Variants in SYT13 observed in about 807,000 individuals in gnomAD.
SYT13 encodes the protein synaptotagmin-13.
Under a neutral mutation model 38.6 loss-of-function variants are expected in SYT13, and 21 were observed. The observed-to-expected ratio is 0.54, with a 90% confidence interval of 0.39 to 0.78. The LOEUF is 0.78. Among genes scored for constraint, SYT13 ranks in the 30% least tolerant of loss-of-function variants. The pLI, the probability that SYT13 is intolerant of heterozygous loss-of-function variation, is 0.00. For missense variants in SYT13, 495 were observed against 548.7 expected, an observed-to-expected ratio of 0.90 and a Z score of 0.98; for synonymous variants, 241 against 237.6, an observed-to-expected ratio of 1.01 and a Z score of -0.13.
At chr11:45,267,194 C>G (rs373324235) in intron 1 of SYT13, among the ~76,000 whole-genome samples, 293 of 152,274 alleles carry the variant, frequency 1.9e-3, no homozygotes, top group African/African-American at 6.7e-3. Context: ...GCATTCAGAC[C>G]CAGGCTGACT....
chr11:45,243,719 A>C lies in SYT13; in HGVS notation c.*333T>G. ...TGAAATGCTTGTTTTTCAAAAAGCC[A>C]AATTCTTCTTTGCATCCATGATTCC... On this transcript the variant is annotated 3_prime_UTR_variant, in exon 6 of 6. Coordinates refer to ENST00000020926, the MANE Select transcript of SYT13 (RefSeq NM_020826.3). 1 of 234,820 alleles carries C rather than the reference A, an allele frequency of 4.3e-6. No homozygotes were observed. Among genetic ancestry groups the C allele is most frequent in the Non-Finnish European group, 8.2e-6 (1 of 122,420 alleles). The allele number at this position is 234,820 out of a possible 1,614,324, so 14.5% of individuals were successfully genotyped here.
intron 4 of SYT13, among the ~76,000 whole-genome samples, chr11:45,249,515 T>C (rs548430776): frequency 6.6e-6 from 1 of 152,322 alleles, no homozygotes; most frequent in African/African-American, 2.4e-5. Flanking sequence ...CCATCAATGA[T>C]AGACTGAATA....
chr11:45,264,245 C>T (rs1339771393), intron 1 of SYT13, among the ~76,000 whole-genome samples: 1 of 152,160 alleles, frequency 6.6e-6, no homozygotes. Context: ...ATGATGAGAC[C>T]TCTCAGTGTC....
At chr11:45,277,434 C>A (rs1013660190) in intron 1 of SYT13, among the ~76,000 whole-genome samples, 1 of 152,214 alleles carries the variant, frequency 6.6e-6, no homozygotes, top group Non-Finnish European at 1.5e-5. Flanking sequence ...CTTATCAGTA[C>A]GTAGCTCAAT....
Position 45,252,917 on chromosome 11 carries a change from C to T in SYT13, c.545-195G>A, listed in dbSNP as rs929393739. On this transcript the variant is annotated intron_variant, in intron 3 of 5. Transcript: ENST00000020926. The surrounding 1 kb of genome is among the most constrained non-coding windows in gnomAD (Gnocchi z 4.3). Reference sequence around the variant, plus strand: ...AAATAGATCATTTGAGGGGGCTGGCCTCAGCACATGCCGATTCTCTTTCTT... The same window carrying T: ...AAATAGATCATTTGAGGGGGCTGGCTTCAGCACATGCCGATTCTCTTTCTT... Among the ~76,000 whole-genome samples, 1 of 152,172 alleles carries T rather than the reference C, an allele frequency of 6.6e-6. No individual in the cohort carries two copies. Among genetic ancestry groups the T allele is most frequent in the Non-Finnish European group, 1.5e-5 (1 of 68,024 alleles).
chr11:45,244,417 T>C (rs1305999119), intron 5 of SYT13, 61 bp from the exon 6 acceptor site: 1 of 1,553,744 alleles, frequency 6.4e-7, no homozygotes, highest in East Asian at 2.3e-5. Context: ...GTTTCTGGGA[T>C]CTGGCAGGGC....
At chr11:45,277,374 G>A (rs1273601837) in intron 1 of SYT13, among the ~76,000 whole-genome samples, 4 of 152,188 alleles carry the variant, frequency 2.6e-5, no homozygotes, top group African/African-American at 9.7e-5. Context: ...TTAATGTCAT[G>A]TGAATTTCAC....
chr11:45,284,015 T>C (rs1410079365), intron 1 of SYT13, among the ~76,000 whole-genome samples: 1 of 152,096 alleles, frequency 6.6e-6, no homozygotes, highest in East Asian at 1.9e-4. Flanking sequence ...GTAGGCAAAA[T>C]CCTCCCTGAG....
Position 45,268,409 on chromosome 11 carries a change from C to T in SYT13, c.184-12518G>A, listed in dbSNP as rs1037874772. 7.3e-5 allele frequency among the ~76,000 whole-genome samples: 11 copies of T among 151,114 alleles called. No homozygotes were observed. The South Asian group carries it at 8.4e-4, about 12-fold the overall frequency. On this transcript the variant is annotated intron_variant, in intron 1 of 5. Transcript: ENST00000020926. ...TGAGTGGTGGGGGGTGGGGGTGGGG[C>T]GCAGGAGTTGTTTCTACTAAGAATT...
intron 1 of SYT13, chr11:45,258,241 C>G (rs950327699): frequency 6.6e-6 from 1 of 152,256 alleles, no homozygotes; most frequent in African/African-American, 2.4e-5. Flanking sequence ...CCATCAAAAA[C>G]ATTTATCATT....
At chr11:45,262,065 C>A (rs1854823774) in intron 1 of SYT13, among the ~76,000 whole-genome samples, 1 of 152,156 alleles carries the variant, frequency 6.6e-6, no homozygotes, top group African/African-American at 2.4e-5. Flanking sequence ...GTGAAGCAAT[C>A]CAAATATCTA....
chr11:45,273,601 G>A (rs971886890), intron 1 of SYT13, among the ~76,000 whole-genome samples: 2 of 152,232 alleles, frequency 1.3e-5, no homozygotes, highest in African/African-American at 4.8e-5. Flanking sequence ...GTGTATAACT[G>A]TGTGATGAAC....
chr11:45,245,009 G>A (rs1019236281), intron 5 of SYT13, among the ~76,000 whole-genome samples: 1 of 152,194 alleles, frequency 6.6e-6, no homozygotes, highest in African/African-American at 2.4e-5. Flanking sequence ...TTGATTCTTG[G>A]TGTAAGCATG....
intron 1 of SYT13, among the ~76,000 whole-genome samples, chr11:45,260,495 G>T (rs1273852457): frequency 6.6e-6 from 1 of 152,146 alleles, no homozygotes; most frequent in African/African-American, 2.4e-5. Context: ...GGGGGAAGGA[G>T]GTGCTCAGGG....
chr11:45,275,584 G>A (rs1257567401), intron 1 of SYT13, among the ~76,000 whole-genome samples: 1 of 152,150 alleles, frequency 6.6e-6, no homozygotes, highest in Non-Finnish European at 1.5e-5. Context: ...CTTAAGCAGT[G>A]TGTAAAAATC....
intron 1 of SYT13, among the ~76,000 whole-genome samples, chr11:45,268,419 G>T (rs1854910574): frequency 6.6e-6 from 1 of 151,872 alleles, no homozygotes; most frequent in Non-Finnish European, 1.5e-5. Context: ...CGCAGGAGTT[G>T]TTTCTACTAA....
chr11:45,249,054 G>GA (rs55939230), intron 4 of SYT13, among the ~76,000 whole-genome samples: 41 of 151,734 alleles, frequency 2.7e-4, no homozygotes, highest in African/African-American at 9.0e-4. Context: ...AAATTTACAA[G>GA]AAAAAAAACA....
At chr11:45,277,408 T>C (rs143377352) in intron 1 of SYT13, among the ~76,000 whole-genome samples, 24 of 152,292 alleles carry the variant, frequency 1.6e-4, no homozygotes, top group Middle Eastern at 3.4e-3. Flanking sequence ...GCTTTGAAAA[T>C]AATGGTAACC....
intron 5 of SYT13, among the ~76,000 whole-genome samples, chr11:45,245,155 TC>T (rs2135883867): frequency 6.6e-6 from 1 of 152,104 alleles, no homozygotes; most frequent in South Asian, 2.1e-4. Context: ...TCCTGCACGC[TC>T]CCCCAAACCC....
Sources: gnomAD v4.1 joint callset for allele counts (sites outside exome capture counted in the v4.1 genomes callset) on GRCh38, gnomAD v4.1.1 for gene constraint, Gnocchi (gnomAD v3.1) non-coding constraint, MANE v1.5 for transcripts, NCBI Gene and HGNC (gene_info 2026-07-23, HGNC 2026-07-21) for gene names.